Variants in ADRA1B observed in about 807,000 individuals in gnomAD.
ADRA1B encodes alpha-1B adrenergic receptor.
ADRA1B carries 17 observed loss-of-function variants against 17.9 expected under a neutral mutation model. The ratio of observed to expected loss-of-function variants is 0.95; its 90% CI spans 0.65 to 1.42. ADRA1B has a LOEUF of 1.42. ADRA1B is among the 40% of genes most tolerant of loss of function. ADRA1B has a pLI of 0.00. For synonymous variants in ADRA1B, 366 were observed against 327.6 expected (o/e 1.12, Z -1.27); for missense variants, 681 against 722.1 (o/e 0.94, Z 0.65).
At chr5:159,969,987 T>C (rs79714498) in intron 1 of ADRA1B, among the ~76,000 whole-genome samples, 2 of 152,304 alleles carry the variant, frequency 1.3e-5, no homozygotes, top group East Asian at 1.9e-4. Flanking sequence ...ATCCCAGATA[T>C]ATTACAAGCA....
chr5:159,976,861 A>T (rs1169036477), downstream of ADRA1B, among the ~76,000 whole-genome samples: 1 of 152,142 alleles, frequency 6.6e-6, no homozygotes, highest in African/African-American at 2.4e-5. Flanking sequence ...AGTGGCCCTG[A>T]GCATGCACCT....
chr5:159,924,015 C>T (rs1404079600), intron 1 of ADRA1B, among the ~76,000 whole-genome samples: 1 of 152,260 alleles, frequency 6.6e-6, no homozygotes, highest in Non-Finnish European at 1.5e-5. Flanking sequence ...TATCAAACAC[C>T]ACATTTGGCA....
intron 1 of ADRA1B, among the ~76,000 whole-genome samples, chr5:159,873,722 C>T (rs184417770): frequency 6.6e-6 from 1 of 152,174 alleles, no homozygotes; most frequent in Non-Finnish European, 1.5e-5. Context: ...ATGGCAATGA[C>T]CATCGTGGAG....
chr5:159,900,182 C>A (rs2113118545), intron 1 of ADRA1B, among the ~76,000 whole-genome samples: 1 of 152,308 alleles, frequency 6.6e-6, no homozygotes, highest in East Asian at 1.9e-4. Context: ...CCTCCACCTA[C>A]CCTTTTTTTC....
chr5:159,936,437 C>T (rs1294256833), intron 1 of ADRA1B, among the ~76,000 whole-genome samples: 1 of 152,154 alleles, frequency 6.6e-6, no homozygotes, highest in African/African-American at 2.4e-5. Context: ...GTTGCACCTT[C>T]TTGATGAAAA....
At chr5:159,960,125 C>A (rs555796310) in intron 1 of ADRA1B, among the ~76,000 whole-genome samples, 1 of 152,148 alleles carries the variant, frequency 6.6e-6, no homozygotes, top group African/African-American at 2.4e-5. Flanking sequence ...TGGATCTTAG[C>A]GGGTCTTCTC....
At chr5:159,880,973 A>T (rs905276287) in intron 1 of ADRA1B, among the ~76,000 whole-genome samples, 4 of 152,174 alleles carry the variant, frequency 2.6e-5, no homozygotes, top group African/African-American at 9.7e-5. Flanking sequence ...GACTTGTTTC[A>T]TTAAATCTTT....
intron 1 of ADRA1B, among the ~76,000 whole-genome samples, chr5:159,901,457 A>G: frequency 1.8e-5 from 2 of 113,354 alleles, no homozygotes; most frequent in African/African-American, 3.4e-5. Flanking sequence ...GGGGAGGGGG[A>G]CGGGAAGGAG....
chr5:159,945,782 C>G (rs548685912), intron 1 of ADRA1B, among the ~76,000 whole-genome samples: 23 of 148,392 alleles, frequency 1.5e-4, no homozygotes, highest in Admixed American at 4.7e-4. Flanking sequence ...GAGTCTTGCT[C>G]TGTTGCCCAG....
intron 1 of ADRA1B, among the ~76,000 whole-genome samples, chr5:159,944,036 C>T (rs1308831754): frequency 1.3e-5 from 2 of 152,100 alleles, no homozygotes; most frequent in Non-Finnish European, 2.9e-5. Flanking sequence ...AATGAGGTAC[C>T]TTACCCAAGA....
intron 1 of ADRA1B, among the ~76,000 whole-genome samples, chr5:159,919,135 G>A (rs180814219): frequency 5.3e-5 from 8 of 152,284 alleles, no homozygotes; most frequent in African/African-American, 1.2e-4. Flanking sequence ...TTCAAAAGCC[G>A]TCTAACCTTT....
At chr5:159,953,427 C>A (rs1291867578) in intron 1 of ADRA1B, among the ~76,000 whole-genome samples, 1 of 152,132 alleles carries the variant, frequency 6.6e-6, no homozygotes, top group Non-Finnish European at 1.5e-5. Flanking sequence ...ACTATCCCCA[C>A]CACACATCTC....
At chr5:159,930,501 C>T (rs561770167) in intron 1 of ADRA1B, among the ~76,000 whole-genome samples, 18 of 152,292 alleles carry the variant, frequency 1.2e-4, no homozygotes, top group South Asian at 8.3e-4. Context: ...ATCGCTTGTA[C>T]GCAGGAGGCG....
chr5:159,913,516 T>A (rs777278877), upstream of ADRA1B, among the ~76,000 whole-genome samples: 1 of 152,230 alleles, frequency 6.6e-6, no homozygotes, highest in African/African-American at 2.4e-5. Context: ...AAGTCTGAAA[T>A]CTGCAAGGAT....
At chr5:159,892,086 A>T (rs942738695) in intron 1 of ADRA1B, among the ~76,000 whole-genome samples, 1 of 152,044 alleles carries the variant, frequency 6.6e-6, no homozygotes, top group African/African-American at 2.4e-5. Flanking sequence ...AAAATACAAA[A>T]ATTAGCTGGG....
chr5:159,968,543 C>T (rs1755813987), intron 1 of ADRA1B, among the ~76,000 whole-genome samples: 1 of 152,134 alleles, frequency 6.6e-6, no homozygotes, highest in South Asian at 2.1e-4. Context: ...AGGATGGTCT[C>T]GAACTCCTGG....
chr5:159,983,608 C>A, the ADRA1B span, among the ~76,000 whole-genome samples: 1 of 152,160 alleles, frequency 6.6e-6, no homozygotes, highest in African/African-American at 2.4e-5. Context: ...GCCAGCCGAA[C>A]CGAAATTAGG....
chr5:159,954,984 G>A (rs2113270075), intron 1 of ADRA1B: 1 of 266,158 alleles, frequency 3.8e-6, no homozygotes, highest in South Asian at 1.4e-4. Flanking sequence ...TTTATGGCAT[G>A]CCGGTAGACC....
rs1014846481 is a variant in ADRA1B at position 159,972,215 on chromosome 5, G to C, written c.1286G>C (p.Gly429Ala). The C allele has an allele frequency of 2.4e-5, 33 of 1,357,384 alleles. No individual in the cohort carries two copies. The highest frequency in any genetic ancestry group is 3.0e-5 in the Non-Finnish European group (32 of 1,052,166). 84.1% of individuals were successfully genotyped at this position (1,357,384 alleles called of 1,614,324 possible). ...CTGCCCTCGGCCTCGCCGAGCCCGGGCTACCTGGGCCGCGGCGCGCCACCG... is the reference window on the plus strand; with the variant it reads ...CTGCCCTCGGCCTCGCCGAGCCCGGCCTACCTGGGCCGCGGCGCGCCACCG... The part of the protein sequence containing the change: ...RTLPSASPSP[G>A]YLGRGAPPPV... The change falls in exon 2 of 2, where the codon GGC becomes GCC. Residue 429 changes from glycine (G) to alanine (A), a missense_variant. Gly to Ala is a moderately conservative substitution (Grantham distance 60, BLOSUM62 0). Around this residue, in one of 3 missense-constraint regions of ADRA1B, gnomAD observed 251 missense variants for 224.9 expected, o/e 1.12. Coordinates refer to ENST00000306675, the MANE Select transcript of ADRA1B (RefSeq NM_000679.4).
Sources: gnomAD v4.1 joint callset for allele counts (sites outside exome capture counted in the v4.1 genomes callset) on GRCh38, gnomAD v4.1.1 for gene constraint, gnomAD v4.1.1 regional missense constraint, MANE v1.5 for transcripts, NCBI Gene and HGNC (gene_info 2026-07-23, HGNC 2026-07-21) for gene names.